XKR6: variants seen among roughly 807,000 people sequenced by gnomAD.
The protein encoded by XKR6 is XK-related protein 6.
Under a neutral mutation model 56.7 loss-of-function variants are expected in XKR6, and 22 were observed. That is an observed-to-expected ratio of 0.39 (90% CI 0.28 to 0.55). The LOEUF is 0.55. Among genes scored for constraint, XKR6 ranks in the 20% least tolerant of loss-of-function variants. The probability of loss-of-function intolerance (pLI) is 0.66; values close to 1 mark genes in which losing one functional copy is unlikely to be tolerated. For synonymous variants in XKR6, 524 were observed against 387.8 expected (o/e 1.35, Z -4.13); for missense variants, 852 against 889.0 (o/e 0.96, Z 0.53).
At chr8:11,126,344 G>T (rs541210100) in intron 1 of XKR6, among the ~76,000 whole-genome samples, 16 of 152,278 alleles carry the variant, frequency 1.1e-4, no homozygotes, top group Middle Eastern at 3.4e-3. Context: ...GGGATTACAG[G>T]CGTGAGCCAC....
intron 1 of XKR6, among the ~76,000 whole-genome samples, chr8:11,131,895 C>A (rs965466979): frequency 5.3e-5 from 8 of 152,158 alleles, no homozygotes; most frequent in African/African-American, 1.9e-4. Flanking sequence ...ACTATACCAT[C>A]TAGGTTTGTG....
Position 11,141,192 on chromosome 8 carries a change from TA to T in XKR6, c.764+59383del, listed in dbSNP as rs1487135904. Reference sequence around the variant, plus strand: ...CGGAAGCTGGTAGTACTAGTACTGTTATTCAGAGACTTCCTATGTGTATTGT... The same window carrying T: ...CGGAAGCTGGTAGTACTAGTACTGTTTTCAGAGACTTCCTATGTGTATTGT... On this transcript the variant is annotated intron_variant, in intron 1 of 2. Transcript: ENST00000416569. Among the ~76,000 whole-genome samples, 12 of 152,346 alleles carry T rather than the reference TA, an allele frequency of 7.9e-5. No individual in the cohort carries two copies. The South Asian group carries it at 1.2e-3, about 16-fold the overall frequency.
At chr8:11,137,749 G>T in intron 1 of XKR6, 1 of 455,380 alleles carries the variant, frequency 2.2e-6, no homozygotes, top group East Asian at 7.0e-5. Flanking sequence ...GCTCTGAATC[G>T]AATCCTGCTC....
At chr8:11,121,612 T>G (rs565682115) in intron 1 of XKR6, among the ~76,000 whole-genome samples, 1 of 152,232 alleles carries the variant, frequency 6.6e-6, no homozygotes, top group Admixed American at 6.5e-5. Flanking sequence ...TCAACCATTG[T>G]GGAAGTCAGT....
chr8:11,162,395 T>A (rs1801857038), intron 1 of XKR6, among the ~76,000 whole-genome samples: 1 of 152,116 alleles, frequency 6.6e-6, no homozygotes, highest in Non-Finnish European at 1.5e-5. Context: ...AATGGTGATA[T>A]CAGATTCACC....
At chr8:11,114,418 TG>T (rs2129180911) in intron 1 of XKR6, among the ~76,000 whole-genome samples, 1 of 152,314 alleles carries the variant, frequency 6.6e-6, no homozygotes, top group East Asian at 1.9e-4. Flanking sequence ...TAGAGTGCAG[TG>T]GCATGGATCT....
intron 1 of XKR6, among the ~76,000 whole-genome samples, chr8:10,978,227 C>T (rs1802625544): frequency 6.6e-6 from 1 of 152,172 alleles, no homozygotes; most frequent in South Asian, 2.1e-4. Flanking sequence ...GATTTATTGC[C>T]TGATATGCAT....
chr8:10,925,203 G>A (rs955921731), intron 1 of XKR6, among the ~76,000 whole-genome samples: 10 of 152,140 alleles, frequency 6.6e-5, no homozygotes, highest in Non-Finnish European at 1.0e-4. Flanking sequence ...TCAGGACCCC[G>A]GGGGGAAACA....
chr8:11,128,993 T>A (rs1206365430), intron 1 of XKR6: 1 of 456,402 alleles, frequency 2.2e-6, no homozygotes, highest in Non-Finnish European at 4.4e-6. Flanking sequence ...GTTTGTTCTG[T>A]TCTCTCTTGT....
At chr8:10,944,405 T>C (rs1801473408) in intron 1 of XKR6, among the ~76,000 whole-genome samples, 1 of 152,166 alleles carries the variant, frequency 6.6e-6, no homozygotes, top group African/African-American at 2.4e-5. Context: ...GAAACAAGCC[T>C]GTCAGATGCT....
intron 1 of XKR6, among the ~76,000 whole-genome samples, chr8:11,150,401 A>G (rs923202036): frequency 3.3e-5 from 5 of 152,210 alleles, no homozygotes; most frequent in African/African-American, 9.6e-5. Context: ...TTTATGCTTT[A>G]TGCATAAGCC....
At chr8:11,130,557 G>A (rs1800054280) in intron 1 of XKR6, among the ~76,000 whole-genome samples, 1 of 151,288 alleles carries the variant, frequency 6.6e-6, no homozygotes, top group African/African-American at 2.4e-5. Context: ...ACTTCCTTAG[G>A]CTAAAGGGCT....
At chr8:11,077,427 G>C (rs1800302886) in intron 1 of XKR6, among the ~76,000 whole-genome samples, 1 of 152,192 alleles carries the variant, frequency 6.6e-6, no homozygotes, top group Non-Finnish European at 1.5e-5. Flanking sequence ...CTTACGTGGA[G>C]TCTCAAGCAC....
chr8:11,051,033 G>A (rs983603136), intron 1 of XKR6, among the ~76,000 whole-genome samples: 4 of 152,110 alleles, frequency 2.6e-5, no homozygotes, highest in African/African-American at 4.8e-5. Flanking sequence ...GTATTGACTA[G>A]CAGCCCCTGC....
intron 1 of XKR6, among the ~76,000 whole-genome samples, chr8:10,943,452 C>T (rs1054305792): frequency 2.2e-4 from 33 of 152,162 alleles, no homozygotes; most frequent in African/African-American, 8.0e-4. Flanking sequence ...CCAGCCACAT[C>T]CATGGCTCTC....
In XKR6 at chr8:11,082,289, G is replaced by T. The variant is rs568250895; in HGVS notation, c.764+118287C>A. On this transcript the variant is annotated intron_variant, in intron 1 of 2. Transcript: ENST00000416569. ...GTCTGGAACATCTCCCAAAGTCTACGTGGGGCTCAATATCATGTGCAATCA... is the reference window on the plus strand; with the variant it reads ...GTCTGGAACATCTCCCAAAGTCTACTTGGGGCTCAATATCATGTGCAATCA... Among the ~76,000 whole-genome samples, 13 of 152,310 alleles carry T rather than the reference G, an allele frequency of 8.5e-5. 1 individual carries two copies. Among genetic ancestry groups the T allele is most frequent in the African/African-American group, 2.9e-4 (12 of 41,562 alleles).
chr8:10,921,156 A>C (rs1473900038), intron 2 of XKR6, among the ~76,000 whole-genome samples: 1 of 152,226 alleles, frequency 6.6e-6, no homozygotes, highest in Non-Finnish European at 1.5e-5. Flanking sequence ...AGCAACATCC[A>C]TTGCCCCTTG....
At chr8:11,144,517 G>T (rs545760484) in intron 1 of XKR6, among the ~76,000 whole-genome samples, 1 of 152,078 alleles carries the variant, frequency 6.6e-6, no homozygotes, top group East Asian at 1.9e-4. Context: ...CCAGGGCGCA[G>T]GCACAGGATG....
chr8:10,931,691 C>T (rs191212318), intron 1 of XKR6, among the ~76,000 whole-genome samples: 1 of 152,184 alleles, frequency 6.6e-6, no homozygotes, highest in Non-Finnish European at 1.5e-5. Flanking sequence ...ATAAGTCATT[C>T]ATATGCAACA....
Sources: allele counts gnomAD v4.1 joint callset (sites outside exome capture counted in the v4.1 genomes callset), GRCh38; gene constraint gnomAD v4.1.1; transcripts MANE v1.5; gene names NCBI Gene and HGNC (gene_info 2026-07-23, HGNC 2026-07-21).